The following PCBP3 variants were observed in gnomAD, a reference collection of about 807,000 sequenced individuals.
The protein encoded by PCBP3 is poly(rC) binding protein 3.
A neutral mutation model predicts 52.7 loss-of-function variants in PCBP3; 25 were observed. That is an observed-to-expected ratio of 0.47 (90% confidence interval 0.35 to 0.66). The LOEUF is 0.66. Ranked by LOEUF, PCBP3 falls within the 30% of genes least tolerant of loss-of-function variation. The pLI is 0.01. For missense variants in PCBP3, 391 were observed against 490.3 expected (o/e 0.80, Z 1.91); for synonymous variants, 162 against 183.0 (o/e 0.89, Z 0.93).
At chr21:45,836,234 AACCCTCCCAAT>A (rs1170681216) in intron 4 of PCBP3, 1 of 152,322 alleles carries the variant, frequency 6.6e-6, no homozygotes, top group Admixed American at 6.5e-5. Context: ...ATCTGATTCA[AACCCTCCCAAT>A]TCTGCCTCCA....
chr21:45,863,745 C>T (rs888997994), intron 5 of PCBP3, among the ~76,000 whole-genome samples: 6 of 152,176 alleles, frequency 3.9e-5, no homozygotes, highest in African/African-American at 1.4e-4. Flanking sequence ...CCTCACAGAG[C>T]TGCTTTGTTC....
intron 5 of PCBP3, among the ~76,000 whole-genome samples, chr21:45,860,785 C>T (rs984910147): frequency 2.2e-4 from 34 of 152,352 alleles, no homozygotes; most frequent in South Asian, 2.1e-4. Context: ...CCCCTCCGGC[C>T]GGCAGCGACC....
chr21:45,862,386 T>A (rs1477148015), intron 5 of PCBP3, among the ~76,000 whole-genome samples: 3 of 152,154 alleles, frequency 2.0e-5, no homozygotes, highest in Admixed American at 1.3e-4. Flanking sequence ...TAGAAAAATA[T>A]TTCATGTATA....
chr21:45,697,860 T>C (rs1455669186), intron 2 of PCBP3, among the ~76,000 whole-genome samples: 1 of 152,138 alleles, frequency 6.6e-6, no homozygotes, highest in Non-Finnish European at 1.5e-5. Context: ...AGCTGTGTCC[T>C]ACTAGTTTCC....
At chr21:45,726,453 G>A (rs1285435702) in intron 2 of PCBP3, among the ~76,000 whole-genome samples, 3 of 152,236 alleles carry the variant, frequency 2.0e-5, no homozygotes, top group South Asian at 2.1e-4. Context: ...TCCAGGTGGG[G>A]CTTGCTCCAC....
chr21:45,798,554 G>T (rs914690217), intron 4 of PCBP3, among the ~76,000 whole-genome samples: 2 of 151,964 alleles, frequency 1.3e-5, no homozygotes, highest in Non-Finnish European at 1.5e-5. Context: ...ATGGATGAAT[G>T]CATGGATCCA....
At chr21:45,902,614 C>T (rs2096089023) in intron 9 of PCBP3, among the ~76,000 whole-genome samples, 1 of 152,178 alleles carries the variant, frequency 6.6e-6, no homozygotes, top group Non-Finnish European at 1.5e-5. Context: ...ACAACCCAGT[C>T]CCCGGATGGT....
intron 2 of PCBP3, among the ~76,000 whole-genome samples, chr21:45,712,361 C>T (rs1203217625): frequency 1.3e-5 from 2 of 152,094 alleles, no homozygotes; most frequent in African/African-American, 4.8e-5. Context: ...TTTGCATTTC[C>T]ACCAGCCGTG....
chr21:45,859,819 G>A (rs2148414274), intron 5 of PCBP3: 1 of 152,508 alleles, frequency 6.6e-6, no homozygotes. Flanking sequence ...GTCACAGAGA[G>A]ACATGTCAGC....
chr21:45,687,553 A>C (rs2082225416), intron 2 of PCBP3, among the ~76,000 whole-genome samples: 1 of 152,184 alleles, frequency 6.6e-6, no homozygotes, highest in Admixed American at 6.5e-5. Flanking sequence ...AACAGTATCA[A>C]AATTATAGTA....
intron 7 of PCBP3, among the ~76,000 whole-genome samples, chr21:45,899,900 C>T (rs2149085112): frequency 6.6e-6 from 1 of 152,314 alleles, no homozygotes; most frequent in East Asian, 1.9e-4. Context: ...TCCTTCTTTC[C>T]CGGTTGAAGA....
chr21:45,888,831 A>G (rs183047797), intron 5 of PCBP3, among the ~76,000 whole-genome samples: 44 of 152,262 alleles, frequency 2.9e-4, no homozygotes, highest in African/African-American at 9.6e-4. Flanking sequence ...TCCACCTTAA[A>G]CACACGTGGA....
At chr21:45,740,092 TC>T (rs2086308458) in intron 3 of PCBP3, among the ~76,000 whole-genome samples, 4 of 150,546 alleles carry the variant, frequency 2.7e-5, no homozygotes, top group African/African-American at 4.9e-5. Flanking sequence ...GATGTGAGTC[TC>T]AGCTGGCGTC....
intron 4 of PCBP3, among the ~76,000 whole-genome samples, chr21:45,787,271 G>T (rs760899666): frequency 9.2e-5 from 14 of 152,112 alleles, no homozygotes; most frequent in Non-Finnish European, 1.3e-4. Context: ...TTGAGACAGG[G>T]TCTTGCTCTG....
At chr21:45,889,363 C>G (rs943995422) in intron 5 of PCBP3, among the ~76,000 whole-genome samples, 1 of 152,346 alleles carries the variant, frequency 6.6e-6, no homozygotes, top group Non-Finnish European at 1.5e-5. Flanking sequence ...CTGTCAGGAC[C>G]GTCTTCTCTA....
intron 4 of PCBP3, among the ~76,000 whole-genome samples, chr21:45,824,204 T>C (rs972356664): frequency 5.9e-5 from 9 of 152,242 alleles, no homozygotes; most frequent in Admixed American, 2.0e-4. Flanking sequence ...TCCTGCCTCC[T>C]GCATCATTTC....
intron 4 of PCBP3, among the ~76,000 whole-genome samples, chr21:45,795,097 A>G (rs2091854463): frequency 6.6e-6 from 1 of 152,246 alleles, no homozygotes; most frequent in African/African-American, 2.4e-5. Context: ...AGATACGATC[A>G]TTGTGAACTT....
chr21:45,743,092 A>G (rs1448611779), intron 3 of PCBP3, among the ~76,000 whole-genome samples: 3 of 152,310 alleles, frequency 2.0e-5, no homozygotes, highest in Admixed American at 6.5e-5. Flanking sequence ...GCCTTCAGTT[A>G]CATTTCATAG....
At position 45,816,006 on chromosome 21, in the gene PCBP3, GAGTGAGTGGTGAGT is replaced by G. The variant is rs1393703145; in HGVS notation, c.-125-33940_-125-33927del. On this transcript the variant is annotated intron_variant, in intron 4 of 17. Transcript: ENST00000681687. ...GAGTGGTGAGTGAGTGGTGAGTGGT[GAGTGAGTGGTGAGT>G]AGTGAGTGGTGAGTGGTGAGTGAGT... Among the ~76,000 whole-genome samples, 114 of 130,814 alleles carry G rather than the reference GAGTGAGTGGTGAGT, an allele frequency of 8.7e-4. 1 individual carries two copies. The highest frequency in any genetic ancestry group is 1.5e-3 in the Admixed American group (21 of 13,552). 85.8% of individuals were successfully genotyped at this position (130,814 alleles called of 152,430 possible). A position where few individuals can be genotyped will look rare whatever the true frequency, so the allele number is the denominator to read the frequency against.
Sources: allele counts gnomAD v4.1 joint callset (sites outside exome capture counted in the v4.1 genomes callset), GRCh38; gene constraint gnomAD v4.1.1; transcripts MANE v1.5; gene names NCBI Gene and HGNC (gene_info 2026-07-23, HGNC 2026-07-21).